CIROZ: variants seen among roughly 807,000 people sequenced by gnomAD.
CIROZ encodes the protein ciliated left-right organizer ZP-N domains-containing protein.
the CIROZ span, chr1:10,957,023 C>G: frequency 6.4e-7 from 1 of 1,550,550 alleles, no homozygotes; most frequent in East Asian, 2.4e-5. Flanking sequence ...TGGGTCTTAC[C>G]CGGTGGGCAA....
chr1:10,948,357 C>A, the CIROZ span: 14 of 1,613,502 alleles, frequency 8.7e-6, no homozygotes, highest in South Asian at 1.4e-4. Flanking sequence ...CCGCCAGGGC[C>A]TCGCCAATGG....
the CIROZ span, among the ~76,000 whole-genome samples, chr1:10,950,671 CA>C: frequency 3.9e-4 from 60 of 152,336 alleles, no homozygotes; most frequent in African/African-American, 1.3e-3. Flanking sequence ...TCATGACAAC[CA>C]AAAAGGTCTC....
the CIROZ span, chr1:10,957,053 C>G: frequency 3.9e-6 from 6 of 1,550,910 alleles, no homozygotes; most frequent in Non-Finnish European, 4.4e-6. Context: ...AAAGAATAGG[C>G]ATGGTGACCG....
At chr1:10,967,664 G>T in the CIROZ span, among the ~76,000 whole-genome samples, 2 of 152,146 alleles carry the variant, frequency 1.3e-5, no homozygotes, top group African/African-American at 2.4e-5. Context: ...CACACAGAAG[G>T]TTCTCAATAA....
chr1:10,951,745 A>AAATATATATATATATATATAT, the CIROZ span, among the ~76,000 whole-genome samples: 1 of 119,206 alleles, frequency 8.4e-6, no homozygotes, highest in African/African-American at 3.6e-5. Context: ...AAAAAAAAAA[A>AAATATATATATATATATATAT]ATATATATAT....
the CIROZ span, chr1:10,953,930 C>T: frequency 2.7e-6 from 4 of 1,481,520 alleles, no homozygotes; most frequent in Admixed American, 6.9e-5. Context: ...AACATTGTCA[C>T]AGAAGAAAGA....
the CIROZ span, among the ~76,000 whole-genome samples, chr1:10,962,828 G>A: frequency 6.6e-6 from 1 of 152,210 alleles, no homozygotes; most frequent in African/African-American, 2.4e-5. Context: ...CCATATATAA[G>A]TGTTTGCTGG....
chr1:10,979,276 G>A, the CIROZ span, among the ~76,000 whole-genome samples: 1 of 152,064 alleles, frequency 6.6e-6, no homozygotes, highest in African/African-American at 2.4e-5. Flanking sequence ...TTACAGGTGT[G>A]GGCCACCGCA....
the CIROZ span, among the ~76,000 whole-genome samples, chr1:10,976,582 C>T: frequency 6.6e-6 from 1 of 151,738 alleles, no homozygotes. Context: ...AAACTCCTGA[C>T]CTCGTGATCC....
the CIROZ span, among the ~76,000 whole-genome samples, chr1:10,974,695 G>A: frequency 2.0e-5 from 3 of 152,144 alleles, no homozygotes; most frequent in African/African-American, 7.2e-5. The surrounding 1 kb of genome is among the most constrained non-coding windows in gnomAD (Gnocchi z 4.4). Context: ...GAGGTTTCCG[G>A]CCAGAAAAAT....
chr1:10,952,389 A>G, the CIROZ span, among the ~76,000 whole-genome samples: 5 of 152,094 alleles, frequency 3.3e-5, no homozygotes, highest in Non-Finnish European at 5.9e-5. Context: ...TTGCTGATCT[A>G]TTTTTATACT....
At chr1:10,954,167 G>A in the CIROZ span, 2 of 1,605,420 alleles carry the variant, frequency 1.2e-6, no homozygotes, top group Non-Finnish European at 1.7e-6. Context: ...GAAATTAGTT[G>A]CACATTGGCT....
chr1:10,948,262 G>GCCTC, the CIROZ span: 3 of 1,613,924 alleles, frequency 1.9e-6, no homozygotes, highest in Non-Finnish European at 2.5e-6. Context: ...GTCTGGCGTG[G>GCCTC]CCTCTCCACC....
the CIROZ span, among the ~76,000 whole-genome samples, chr1:10,964,472 C>G: frequency 6.6e-6 from 1 of 152,216 alleles, no homozygotes; most frequent in South Asian, 2.1e-4. Flanking sequence ...GCTCAGCCCC[C>G]ACCAAGGAAG....
the CIROZ span, chr1:10,949,338 C>G: frequency 2.0e-6 from 1 of 492,018 alleles, no homozygotes; most frequent in African/African-American, 2.0e-5. Context: ...ACCCCCCACC[C>G]TCTGCTGCCT....
the CIROZ span, chr1:10,955,016 G>T: frequency 4.4e-6 from 7 of 1,606,840 alleles, no homozygotes; most frequent in Admixed American, 1.7e-5. Flanking sequence ...CCGGCCGCCG[G>T]AATGCTGACC....
At chr1:10,976,290 C>A in the CIROZ span, 1 of 1,355,616 alleles carries the variant, frequency 7.4e-7, no homozygotes, top group Admixed American at 2.0e-5. Flanking sequence ...TGGGGACATG[C>A]ACCGCCCAGC....
chr1:10,951,885 G>A, the CIROZ span, among the ~76,000 whole-genome samples: 3 of 151,726 alleles, frequency 2.0e-5, no homozygotes, highest in African/African-American at 7.3e-5. Flanking sequence ...TACTTTTGGG[G>A]TCAGGGAAGA....
the CIROZ span, chr1:10,958,573 C>CCTTGAAGA: frequency 1.8e-5 from 18 of 1,010,778 alleles, no homozygotes; most frequent in Admixed American, 3.4e-4. Flanking sequence ...AAGACCTGGT[C>CCTTGAAGA]CTTGAAGAGT....
Sources: allele counts gnomAD v4.1 joint callset (sites outside exome capture counted in the v4.1 genomes callset), GRCh38; gene constraint gnomAD v4.1.1; non-coding constraint Gnocchi (gnomAD v3.1); transcripts MANE v1.5; gene names NCBI Gene and HGNC (gene_info 2026-07-23, HGNC 2026-07-21).